CTNNA2: variants seen among roughly 807,000 people sequenced by gnomAD.
CTNNA2 encodes the protein catenin alpha-2.
A neutral mutation model predicts 101.0 loss-of-function variants in CTNNA2; 42 were observed. The ratio of observed to expected loss-of-function variants is 0.42; its 90% CI spans 0.32 to 0.54. The LOEUF (loss-of-function observed/expected upper bound fraction) is 0.54, where lower values mean the gene tolerates loss of function less well. CTNNA2 is among the 20% of genes least tolerant of loss of function. The pLI, the probability that CTNNA2 is intolerant of heterozygous loss-of-function variation, is 0.14. For missense variants in CTNNA2, 871 were observed against 1,223.1 expected, an observed-to-expected ratio of 0.71 and a Z score of 4.29; for synonymous variants, 450 against 456.4, an observed-to-expected ratio of 0.99 and a Z score of 0.18.
intron 2 of CTNNA2, among the ~76,000 whole-genome samples, chr2:79,222,537 G>A (rs1674358250): frequency 6.6e-6 from 1 of 152,156 alleles, no homozygotes; most frequent in East Asian, 1.9e-4. Context: ...TAGCACAGGT[G>A]GGGGACCTGA....
chr2:80,544,492 A>G (rs1691864357), intron 9 of CTNNA2, among the ~76,000 whole-genome samples: 1 of 152,120 alleles, frequency 6.6e-6, no homozygotes, highest in South Asian at 2.1e-4. Flanking sequence ...TGAGTTGGCT[A>G]TTAGTGGACT....
chr2:80,619,236 A>G lies in CTNNA2; in HGVS notation c.2574+8A>G. 6.5e-7 allele frequency: 1 copy of G among 1,535,772 alleles called. No individual in the cohort carries two copies. The highest frequency in any genetic ancestry group is 8.8e-7 in the Non-Finnish European group (1 of 1,140,052). The stretch of plus-strand genomic sequence containing the variant: ...AGCAGTGATTCCTCCATGGTGAGTA[A>G]ATTGACTTTCTAATCTAATGTCTTT... On this transcript the variant is annotated splice_region_variant and intron_variant, in intron 18 of 18. Transcript: ENST00000402739.
chr2:79,194,950 T>C (rs1409811582), intron 1 of CTNNA2, among the ~76,000 whole-genome samples: 4 of 152,194 alleles, frequency 2.6e-5, no homozygotes, highest in Admixed American at 1.3e-4. Flanking sequence ...TCGTGAAAGC[T>C]CTCTTTGTTC....
intron 6 of CTNNA2, among the ~76,000 whole-genome samples, chr2:79,882,677 G>T (rs569734822): frequency 2.6e-5 from 4 of 152,202 alleles, no homozygotes; most frequent in Non-Finnish European, 4.4e-5. Context: ...CTGCCCCTCC[G>T]CCAAGGAGCA....
chr2:79,902,916 C>T (rs765738158), intron 6 of CTNNA2, among the ~76,000 whole-genome samples: 9 of 152,130 alleles, frequency 5.9e-5, no homozygotes, highest in Non-Finnish European at 7.4e-5. Context: ...TGAGCCACTG[C>T]GCCCGGTCAG....
At chr2:80,582,960 T>G (rs1695664657) in intron 14 of CTNNA2, among the ~76,000 whole-genome samples, 1 of 152,144 alleles carries the variant, frequency 6.6e-6, no homozygotes. Flanking sequence ...GCCCTGATAT[T>G]CTCACTCAAC....
intron 3 of CTNNA2, among the ~76,000 whole-genome samples, chr2:79,834,639 T>A (rs1391206210): frequency 5.9e-4 from 1 of 1,688 alleles, no homozygotes. Flanking sequence ...TTATGTACTA[T>A]TTTTTGCAAA....
At chr2:80,075,605 TA>T (rs1222053932) in intron 7 of CTNNA2, among the ~76,000 whole-genome samples, 5 of 107,738 alleles carry the variant, frequency 4.6e-5, no homozygotes, top group East Asian at 5.1e-4. Context: ...TATAAATATT[TA>T]TACATGTATA....
chr2:79,704,073 A>G (rs1037004678), intron 2 of CTNNA2, among the ~76,000 whole-genome samples: 3 of 152,206 alleles, frequency 2.0e-5, no homozygotes, highest in Non-Finnish European at 4.4e-5. Context: ...ACATACAGGT[A>G]CATACATGGA....
At chr2:80,093,387 G>T (rs547154164) in intron 7 of CTNNA2, among the ~76,000 whole-genome samples, 2 of 152,028 alleles carry the variant, frequency 1.3e-5, no homozygotes, top group Non-Finnish European at 2.9e-5. Context: ...GCCACATTTT[G>T]TTAATCCAGT....
At chr2:80,286,796 G>C (rs990389295) in intron 7 of CTNNA2, among the ~76,000 whole-genome samples, 1 of 152,148 alleles carries the variant, frequency 6.6e-6, no homozygotes, top group Non-Finnish European at 1.5e-5. Context: ...CTGTGTTATA[G>C]TATTCATCCT....
intron 2 of CTNNA2, among the ~76,000 whole-genome samples, chr2:79,690,728 G>A (rs942493662): frequency 2.6e-5 from 4 of 151,948 alleles, no homozygotes; most frequent in Admixed American, 1.3e-4. Context: ...GTGGTGGAGC[G>A]AGGATTTACA....
intron 18 of CTNNA2, among the ~76,000 whole-genome samples, chr2:80,642,875 A>C (rs1335169995): frequency 6.6e-6 from 1 of 152,176 alleles, no homozygotes; most frequent in Non-Finnish European, 1.5e-5. Context: ...CTTTCTGCCC[A>C]TTCAAAACAC....
intron 3 of CTNNA2, among the ~76,000 whole-genome samples, chr2:79,813,555 C>T (rs976866075): frequency 6.6e-6 from 1 of 152,054 alleles, no homozygotes; most frequent in Non-Finnish European, 1.5e-5. Flanking sequence ...ATTCACTATA[C>T]CTTCAATTCA....
intron 8 of CTNNA2, among the ~76,000 whole-genome samples, chr2:80,412,205 G>A (rs1348130902): frequency 6.6e-6 from 1 of 152,146 alleles, no homozygotes; most frequent in East Asian, 1.9e-4. Flanking sequence ...ATATCGTGGA[G>A]GTAAAGGAGG....
rs114902700 is a variant in CTNNA2, at chr2:79,596,383, T to C, written c.-5-55169T>C. ...GGAAGACTGTAGGGAGCCCAAATGTTATAATATATATAAGTTCCCCACGAA... is the reference window on the plus strand; with the variant it reads ...GGAAGACTGTAGGGAGCCCAAATGTCATAATATATATAAGTTCCCCACGAA... On this transcript the variant is annotated intron_variant, in intron 1 of 18. Coordinates refer to ENST00000402739, the MANE Select transcript of CTNNA2 (RefSeq NM_001282597.3). Among the ~76,000 whole-genome samples the C allele has an allele frequency of 8.0e-3, 1,223 of 152,266 alleles. 17 individuals carry two copies. Among genetic ancestry groups the C allele is most frequent in the African/African-American group, 0.028 (1,165 of 41,544 alleles).
At chr2:79,448,600 C>T (rs1678857417) in intron 4 of CTNNA2, among the ~76,000 whole-genome samples, 1 of 151,956 alleles carries the variant, frequency 6.6e-6, no homozygotes, top group Non-Finnish European at 1.5e-5. Flanking sequence ...TGATTATAGG[C>T]AGCAGTTGGT....
intron 3 of CTNNA2, among the ~76,000 whole-genome samples, chr2:79,857,181 A>G (rs1321286259): frequency 1.3e-5 from 2 of 152,108 alleles, no homozygotes; most frequent in Non-Finnish European, 2.9e-5. Flanking sequence ...TTCCTGGTGA[A>G]CACCTCTTTC....
At chr2:79,613,742 A>T (rs1266452045) in intron 1 of CTNNA2, among the ~76,000 whole-genome samples, 1 of 152,088 alleles carries the variant, frequency 6.6e-6, no homozygotes, top group African/African-American at 2.4e-5. Context: ...AAAGTCTCCA[A>T]CTCCTGATCT....
Sources: gnomAD v4.1 joint callset for allele counts (sites outside exome capture counted in the v4.1 genomes callset) on GRCh38, gnomAD v4.1.1 for gene constraint, MANE v1.5 for transcripts, NCBI Gene and HGNC (gene_info 2026-07-23, HGNC 2026-07-21) for gene names.